NEB: variants seen among roughly 807,000 people sequenced by gnomAD.
NEB encodes nemaline myopathy type 2.
In NEB, 512 loss-of-function variants were observed where a neutral mutation model predicts 952.2. The observed-to-expected ratio is 0.54, with a 90% CI of 0.50 to 0.58. NEB has a LOEUF of 0.58. Among genes scored for constraint, NEB ranks in the 20% least tolerant of loss-of-function variants. The pLI is 0.00. For missense variants in NEB, 8,428 were observed against 9,231.1 expected (o/e 0.91, Z 3.56); for synonymous variants, 2,900 against 3,149.8 (o/e 0.92, Z 2.66).
intron 74 of NEB, among the ~76,000 whole-genome samples, chr2:151,617,790 G>C (rs565107060): frequency 6.6e-6 from 1 of 151,138 alleles, no homozygotes; most frequent in Non-Finnish European, 1.5e-5. Context: ...GGCTGGGCAC[G>C]GTGGCTTACA....
In NEB at chr2:151,568,195, C is replaced by A; in HGVS notation, c.17737-17G>T. 2 of 1,607,906 alleles carry A rather than the reference C, an allele frequency of 1.2e-6. No individual in the cohort carries two copies. Among genetic ancestry groups the A allele is most frequent in the Non-Finnish European group, 1.7e-6 (2 of 1,175,116 alleles). On this transcript the variant is annotated splice_polypyrimidine_tract_variant and intron_variant, in intron 112 of 181. Coordinates refer to ENST00000397345, the MANE Select transcript of NEB (RefSeq NM_001164508.2). ...GTAGAGATACTGAAAGACAGAGCCA[C>A]CATAAAGGGTTAAAATGAGGAGTCA...
At chr2:151,637,726 T>C (rs1282218157) in intron 63 of NEB, among the ~76,000 whole-genome samples, 1 of 152,244 alleles carries the variant, frequency 6.6e-6, no homozygotes, top group African/African-American at 2.4e-5. Context: ...CCTGAAATTC[T>C]TGCACATGTA....
chr2:151,536,040 G>A (rs755105815), intron 141 of NEB, among the ~76,000 whole-genome samples: 6 of 152,132 alleles, frequency 3.9e-5, no homozygotes, highest in Non-Finnish European at 8.8e-5. Flanking sequence ...CCAAGTAGGT[G>A]GGACTACAGG....
At chr2:151,673,298 T>C (rs931549045) in intron 36 of NEB, among the ~76,000 whole-genome samples, 6 of 152,328 alleles carry the variant, frequency 3.9e-5, no homozygotes, top group Middle Eastern at 3.4e-3. Context: ...TCAACTGTTA[T>C]GCAAGAGAAT....
At chr2:151,583,860 C>T in intron 100 of NEB, 94 bp from the exon 101 acceptor site, 1 of 489,672 alleles carries the variant, frequency 2.0e-6, no homozygotes, top group Non-Finnish European at 3.5e-6. Context: ...GTTTTCTTAG[C>T]CTTGGTATAA....
chr2:151,705,991 G>T lies in NEB; in HGVS notation c.1152+890C>A, dbSNP rs548049758. Among the ~76,000 whole-genome samples, 2 of 152,160 alleles carry T rather than the reference G, an allele frequency of 1.3e-5. 1 individual carries two copies. The highest frequency in any genetic ancestry group is 4.8e-5 in the African/African-American group (2 of 41,422). On this transcript the variant is annotated intron_variant, in intron 13 of 181. Transcript: ENST00000397345. ...ATAGTGTACACTGTAGGTGATGGGT[G>T]CACCAAAATCTCAGCAATCAACACT...
Position 151,717,432 on chromosome 2 carries a change from G to A in NEB, c.806C>T (p.Thr269Ile). The A allele has an allele frequency of 6.2e-7, 1 of 1,612,608 alleles. No homozygotes were observed. Among genetic ancestry groups the A allele is most frequent in the Non-Finnish European group, 8.5e-7 (1 of 1,178,656 alleles). ...PPDIEFAKKV[T>I]NQVSKQKYKE... Reference sequence around the variant, plus strand: ...TTTACTTACCTTGCTCACTTGATTGGTTACTTTCTTGGCAAATTCTATATC... The same window carrying A: ...TTTACTTACCTTGCTCACTTGATTGATTACTTTCTTGGCAAATTCTATATC... The change falls in exon 10 of 182, where the codon ACC (threonine) becomes ATC (isoleucine). Residue 269 changes from threonine to isoleucine, a missense_variant. This residue lies in a region of NEB where 2,851 missense variants were observed against 2,791.5 expected (regional missense o/e 1.02). Transcript: ENST00000397345.
At chr2:151,684,293 C>T (rs1277510128) in intron 28 of NEB, among the ~76,000 whole-genome samples, 1 of 152,028 alleles carries the variant, frequency 6.6e-6, no homozygotes, top group African/African-American at 2.4e-5. Flanking sequence ...AATGAATTTG[C>T]TTAAAGAAGT....
chr2:151,669,177 T>C (rs1339458544), intron 38 of NEB, 46 bp from the exon 39 acceptor site: 4 of 1,328,326 alleles, frequency 3.0e-6, no homozygotes, highest in Non-Finnish European at 4.2e-6. Context: ...GCTGACATAA[T>C]ATAAATTTCA....
In NEB at chr2:151,591,450, G is replaced by GC; in HGVS notation, c.14831dup (p.Tyr4945LeufsTer14). 6.5e-7 allele frequency: 1 copy of GC among 1,548,596 alleles called. No homozygotes were observed. The highest frequency in any genetic ancestry group is 1.2e-5 in the South Asian group (1 of 83,934). On this transcript the variant is annotated frameshift_variant, in exon 96 of 182. Transcript: ENST00000397345. LOFTEE classifies it high-confidence loss of function. ...TGACATCTTCCCAAGCTTGCTGATA[G>GC]CGTTTCTGCAAACAGAGAGTGCAAT...
chr2:151,652,127 T>A (rs1034670224), intron 52 of NEB, among the ~76,000 whole-genome samples: 3 of 152,196 alleles, frequency 2.0e-5, no homozygotes, highest in Non-Finnish European at 4.4e-5. Flanking sequence ...TAGAGCTTAT[T>A]GGTAAAATAT....
intron 4 of NEB, among the ~76,000 whole-genome samples, chr2:151,728,905 T>G (rs776493309): frequency 4.5e-4 from 69 of 152,176 alleles, no homozygotes; most frequent in Non-Finnish European, 9.0e-4. Flanking sequence ...CATGGTTGAC[T>G]GTGAGAGACT....
At position 151,617,472 on chromosome 2, in the gene NEB, CAAA is replaced by C. The variant is rs749915004; in HGVS notation, c.11077-7_11077-5del. ...CCCAGGCTTCAGTATATAAGCGCTA[CAAA>C]AAAAAAAAAAAAAGAGAGAGAGAGA... On this transcript the variant is annotated splice_region_variant and splice_polypyrimidine_tract_variant and intron_variant, in intron 74 of 181. Coordinates refer to ENST00000397345, the MANE Select transcript of NEB (RefSeq NM_001164508.2). 3.4e-3 allele frequency: 2,737 copies of C among 802,762 alleles called. No individual in the cohort carries two copies. The highest frequency in any genetic ancestry group is 6.5e-3 in the South Asian group (249 of 38,510). The allele number at this position is 802,762 out of a possible 1,614,324, so 49.7% of individuals were successfully genotyped here. A position where few individuals can be genotyped will look rare whatever the true frequency, so the allele number is the denominator to read the frequency against.
intron 172 of NEB, 81 bp downstream of exon 172, chr2:151,496,860 T>C (rs1210627369): frequency 2.2e-6 from 3 of 1,393,856 alleles, no homozygotes; most frequent in Admixed American, 2.4e-5. Context: ...CTTTAGAAAA[T>C]AGGATTAATA....
At chr2:151,489,357 C>G (rs6718372) in intron 181 of NEB, among the ~76,000 whole-genome samples, 60,456 of 151,872 alleles carry the variant, frequency 0.4, 12,179 homozygotes, top group African/African-American at 0.43. Context: ...TAGGGGAGAT[C>G]TAAGATAAGG....
chr2:151,699,967 G>C (rs1201224915), intron 13 of NEB, among the ~76,000 whole-genome samples: 3 of 146,350 alleles, frequency 2.0e-5, no homozygotes, highest in Non-Finnish European at 4.6e-5. Flanking sequence ...GTAATGCCTA[G>C]GTTTTCTTCT....
At chr2:151,574,999 C>CA (rs1382757809) in intron 107 of NEB, among the ~76,000 whole-genome samples, 4 of 152,154 alleles carry the variant, frequency 2.6e-5, no homozygotes, top group African/African-American at 9.7e-5. Flanking sequence ...CTTGACCTCC[C>CA]AAAGTACTGG....
chr2:151,619,713 G>T lies in NEB; in HGVS notation c.10610C>A (p.Ala3537Asp). The T allele has an allele frequency of 6.2e-7, 1 of 1,613,806 alleles. No individual in the cohort carries two copies. Among genetic ancestry groups the T allele is most frequent in the Non-Finnish European group, 8.5e-7 (1 of 1,179,762 alleles). The change falls in exon 73 of 182, where the codon GCC becomes GAC. Residue 3537 changes from alanine (A) to aspartate (D), a missense_variant. By Grantham distance (126) the Ala-to-Asp change is moderately radical. This residue lies in a region of NEB where 1,772 missense variants were observed against 1,960.3 expected (regional missense o/e 0.90). Transcript: ENST00000397345. ...YRKQLGHHIG[A>D]RAVHDDPKIM... ...CTTGGGGTCATCGTGTACTGCTCGGGCGCCAATGTGGTGACCCAACTGTTT... is the reference window on the plus strand; with the variant it reads ...CTTGGGGTCATCGTGTACTGCTCGGTCGCCAATGTGGTGACCCAACTGTTT...
intron 32 of NEB, 79 bp downstream of exon 32, chr2:151,679,642 A>ACTTTTGGGTCATCGTCAGAC (rs2099399682): frequency 1.1e-6 from 1 of 944,134 alleles, no homozygotes; most frequent in Non-Finnish European, 1.7e-6. Context: ...ATGCATGGAG[A>ACTTTTGGGTCATCGTCAGAC]CTTTTGGGTC....
Sources: allele counts gnomAD v4.1 joint callset (sites outside exome capture counted in the v4.1 genomes callset), GRCh38; gene constraint gnomAD v4.1.1; regional missense constraint gnomAD v4.1.1; transcripts MANE v1.5; gene names NCBI Gene and HGNC (gene_info 2026-07-23, HGNC 2026-07-21).